The following FOSB variants were observed in gnomAD, a reference collection of about 807,000 sequenced individuals.
FOSB encodes protein FosB.
A neutral mutation model predicts 31.1 loss-of-function variants in FOSB; 8 were observed. The ratio of observed to expected loss-of-function variants is 0.26; its 90% CI spans 0.15 to 0.46. The LOEUF is 0.46. FOSB is among the 20% of genes least tolerant of loss of function. The probability of loss-of-function intolerance (pLI) is 0.99; values close to 1 mark genes in which losing one functional copy is unlikely to be tolerated. For missense variants in FOSB, 376 were observed against 460.6 expected (o/e 0.82, Z 1.68); for synonymous variants, 214 against 206.1 (o/e 1.04, Z -0.33).
Position 45,468,486 on chromosome 19 carries a change from C to T in FOSB, c.-101C>T. On this transcript the variant is annotated 5_prime_UTR_variant, in exon 1 of 4. It adds an upstream start codon to the 5' untranslated region. Coordinates refer to ENST00000353609, the MANE Select transcript of FOSB (RefSeq NM_006732.3). This position sits in a 1 kb window ranked among gnomAD's most constrained non-coding sequence, Gnocchi z 4.8. ...TCGCTCAGCTCACCGGGGACTCCCA[C>T]GGCTCACCCCGGACTTGCACCTTAC... 1.5e-6 allele frequency: 2 copies of T among 1,331,652 alleles called. No homozygotes were observed. Among genetic ancestry groups the T allele is most frequent in the Non-Finnish European group, 2.1e-6 (2 of 972,450 alleles). 82.5% of individuals were successfully genotyped at this position (1,331,652 alleles called of 1,614,324 possible).
At chr19:45,471,000 C>T (rs1307564834) in intron 2 of FOSB, 51 bp downstream of exon 2, 2 of 1,572,874 alleles carry the variant, frequency 1.3e-6, no homozygotes, top group Non-Finnish European at 8.7e-7. Context: ...GCAAGAGAGG[C>T]AGGAAGTTTC....
At position 45,472,960 on chromosome 19, in the gene FOSB, GCAGTGAC is replaced by G. The variant is rs1392910544; in HGVS notation, c.969_975del (p.Asp324LeufsTer5). 1 of 1,612,988 alleles carries G rather than the reference GCAGTGAC, an allele frequency of 6.2e-7. No homozygotes were observed. On this transcript the variant is annotated frameshift_variant, in exon 4 of 4. Transcript: ENST00000353609. LOFTEE classifies it high-confidence loss of function. The surrounding 1 kb of genome is among the most constrained non-coding windows in gnomAD (Gnocchi z 5.4). ...TTCGCCGGCGCCCAACGCACCAGCG[GCAGTGAC>G]CAGCCTTCCGATCCCCTGAACTCGC...
rs1967740548 is a variant in FOSB at position 45,473,113 on chromosome 19, G to A, written c.*101G>A. ...GAGAGAGAGGGGAAGAGACAAAGTG[G>A]GTGTGTGGCCTCCCTGGCTCCTCCG... On this transcript the variant is annotated 3_prime_UTR_variant, in exon 4 of 4. Transcript: ENST00000353609. 1 of 1,127,204 alleles carries A rather than the reference G, an allele frequency of 8.9e-7. No individual in the cohort carries two copies. The highest frequency in any genetic ancestry group is 1.3e-6 in the Non-Finnish European group (1 of 780,310). The allele number at this position is 1,127,204 out of a possible 1,614,324, so 69.8% of individuals were successfully genotyped here. A position where few individuals can be genotyped will look rare whatever the true frequency, so the allele number is the denominator to read the frequency against.
In FOSB at chr19:45,468,772, AAAG is replaced by A; in HGVS notation, c.126+63_126+65del. On this transcript the variant is annotated intron_variant, in intron 1 of 3. Transcript: ENST00000353609. This position sits in a 1 kb window ranked among gnomAD's most constrained non-coding sequence, Gnocchi z 4.8. ...GTTTTATTTTTTAAGTCAAGGGTGA[AAAG>A]AATAAACCCCAACCCCCACAAAAAG... The A allele has an allele frequency of 3.9e-6, 6 of 1,522,336 alleles. No individual in the cohort carries two copies. The highest frequency in any genetic ancestry group is 5.3e-6 in the Non-Finnish European group (6 of 1,136,194). The allele number at this position is 1,522,336 out of a possible 1,614,324, so 94.3% of individuals were successfully genotyped here.
Position 45,468,780 on chromosome 19 carries a change from A to C in FOSB, c.126+68A>C. The C allele has an allele frequency of 1.4e-6, 2 of 1,471,734 alleles. No homozygotes were observed. Among genetic ancestry groups the C allele is most frequent in the East Asian group, 2.4e-5 (1 of 41,024 alleles). 91.2% of individuals were successfully genotyped at this position (1,471,734 alleles called of 1,614,324 possible). On this transcript the variant is annotated intron_variant, in intron 1 of 3. Transcript: ENST00000353609. The surrounding 1 kb of genome is among the most constrained non-coding windows in gnomAD (Gnocchi z 4.8). The stretch of plus-strand genomic sequence containing the variant: ...TTTTAAGTCAAGGGTGAAAAGAATA[A>C]ACCCCAACCCCCACAAAAAGGCGCA...
In FOSB at chr19:45,472,780, C is replaced by T. The variant is rs770893486; in HGVS notation, c.785C>T (p.Pro262Leu). 8.1e-6 allele frequency: 13 copies of T among 1,614,092 alleles called. No homozygotes were observed. The highest frequency in any genetic ancestry group is 2.2e-5 in the East Asian group (1 of 44,882). Residue 262 changes from proline to leucine, a missense_variant, in exon 4 of 4, where the codon CCG becomes CTG. Pro to Leu is a moderately conservative substitution (Grantham distance 98). Coordinates refer to ENST00000353609, the MANE Select transcript of FOSB (RefSeq NM_006732.3). This position sits in a 1 kb window ranked among gnomAD's most constrained non-coding sequence, Gnocchi z 5.4. ...FSWLLPPPPP[P>L]PLPFQTSQDA... ...TGGCTGCTGCCGCCCCCGCCACCAC[C>T]GCCCCTGCCCTTCCAGACCAGCCAA...
chr19:45,473,005 C>T lies in FOSB; in HGVS notation c.1010C>T (p.Ala337Val). ...CCCCTGAACTCGCCCTCCCTCCTCG[C>T]TCTGTGAACTCTTTAGACACACAAA... ...SDPLNSPSLL[A>V]L is the part of the protein sequence containing the mutation. Residue 337 changes from alanine (A) to valine (V), a missense_variant, in exon 4 of 4, where the codon GCT (alanine) becomes GTT (valine). Physicochemically the swap from Ala to Val is moderately conservative, Grantham distance 64 (BLOSUM62 0). Transcript: ENST00000353609. 2 of 1,607,126 alleles carry T rather than the reference C, an allele frequency of 1.2e-6. No individual in the cohort carries two copies. Among genetic ancestry groups the T allele is most frequent in the Non-Finnish European group, 1.7e-6 (2 of 1,179,360 alleles).
rs1254715910 is a variant in FOSB, at chr19:45,468,325, G to A, written c.-262G>A. On this transcript the variant is annotated 5_prime_UTR_variant, in exon 1 of 4. Transcript: ENST00000353609. The surrounding 1 kb of genome is among the most constrained non-coding windows in gnomAD (Gnocchi z 4.8). ...CTCCCTCGCCCCTGGGTCCTACGGA[G>A]CCTGCACTTTCAAGAGGTACAGCGG... is the stretch of plus-strand genomic sequence containing the variant. 2.5e-6 allele frequency: 1 copy of A among 392,858 alleles called. No homozygotes were observed. Among genetic ancestry groups the A allele is most frequent in the African/African-American group, 2.1e-5 (1 of 47,952 alleles). The allele number at this position is 392,858 out of a possible 1,614,324, so 24.3% of individuals were successfully genotyped here. A position where few individuals can be genotyped will look rare whatever the true frequency, so the allele number is the denominator to read the frequency against.
rs2122134950 is a variant in FOSB at position 45,468,770 on chromosome 19, G to A, written c.126+58G>A. ...AGGTTTTATTTTTTAAGTCAAGGGT[G>A]AAAAGAATAAACCCCAACCCCCACA... On this transcript the variant is annotated intron_variant, in intron 1 of 3. Transcript: ENST00000353609. The surrounding 1 kb of genome is among the most constrained non-coding windows in gnomAD (Gnocchi z 4.8). 1.3e-6 allele frequency: 2 copies of A among 1,525,884 alleles called. No homozygotes were observed. The highest frequency in any genetic ancestry group is 1.4e-5 in the African/African-American group (1 of 71,386). 94.5% of individuals were successfully genotyped at this position (1,525,884 alleles called of 1,614,324 possible).
chr19:45,471,434 T>A, intron 3 of FOSB, 133 bp downstream of exon 3: 1 of 662,938 alleles, frequency 1.5e-6, no homozygotes. Context: ...GGTACTGCTG[T>A]GGCCAGACTG....
At position 45,471,337 on chromosome 19, in the gene FOSB, G is replaced by C. The variant is rs776993243; in HGVS notation, c.555+36G>C. On this transcript the variant is annotated intron_variant, in intron 3 of 3. Transcript: ENST00000353609. Reference sequence around the variant, plus strand: ...GCCCTGGGGTGGGAGAGGGGATGTTGAGGGGAGCTCTCTCCCCATTCTCTG... The same window carrying C: ...GCCCTGGGGTGGGAGAGGGGATGTTCAGGGGAGCTCTCTCCCCATTCTCTG... 122 of 1,405,588 alleles carry C rather than the reference G, an allele frequency of 8.7e-5. No individual in the cohort carries two copies. The Middle Eastern group carries it at 9.0e-4, about 10-fold the overall frequency. The allele number at this position is 1,405,588 out of a possible 1,614,324, so 87.1% of individuals were successfully genotyped here. A position where few individuals can be genotyped will look rare whatever the true frequency, so the allele number is the denominator to read the frequency against.
Position 45,473,641 on chromosome 19 carries a change from C to G in FOSB, c.*629C>G, listed in dbSNP as rs80242739. 1,002 of 137,410 alleles carry G rather than the reference C, an allele frequency of 7.3e-3. 5 individuals are homozygous for G. The highest frequency in any genetic ancestry group is 0.016 in the Admixed American group (208 of 13,028). The allele number at this position is 137,410 out of a possible 1,614,324, so 8.5% of individuals were successfully genotyped here. A position where few individuals can be genotyped will look rare whatever the true frequency, so the allele number is the denominator to read the frequency against. ...CCCCTAGAATAATCTCATCCCCCCA[C>G]CCGACTTCTTTTGAAATGTGAACGT... On this transcript the variant is annotated 3_prime_UTR_variant, in exon 4 of 4. Transcript: ENST00000353609.
At chr19:45,471,496 T>TCCCCCCCCCCCCCCCTCCCCC (rs3831491) in intron 3 of FOSB, 195 bp downstream of exon 3, 1 of 362,734 alleles carries the variant, frequency 2.8e-6, no homozygotes, top group South Asian at 4.3e-5. Flanking sequence ...CAACTCCTGG[T>TCCCCCCCCCCCCCCCTCCCCC]CCCCCCCCCA....
rs1046054231 is a variant in FOSB at position 45,474,354 on chromosome 19, C to T, written c.*1342C>T. 10 of 152,454 alleles carry T rather than the reference C, an allele frequency of 6.6e-5. No homozygotes were observed. Among genetic ancestry groups the T allele is most frequent in the Admixed American group, 6.6e-4 (10 of 15,250 alleles). 9.4% of individuals were successfully genotyped at this position (152,454 alleles called of 1,614,324 possible). On this transcript the variant is annotated 3_prime_UTR_variant, in exon 4 of 4. Coordinates refer to ENST00000353609, the MANE Select transcript of FOSB (RefSeq NM_006732.3). Reference sequence around the variant, plus strand: ...ATGCCCGAGTCCGCCCATCCCTGACCATGGTTTTGGCTCTCCCACCCCGCC... The same window carrying T: ...ATGCCCGAGTCCGCCCATCCCTGACTATGGTTTTGGCTCTCCCACCCCGCC...
rs1967706297 is a variant in FOSB, at chr19:45,472,279, C to T, written c.556-272C>T. ...ACATAACGATTGTTCATTCATTCAA[C>T]AAACCTCCTGCACACCAGAAACTTC... On this transcript the variant is annotated intron_variant, in intron 3 of 3. Transcript: ENST00000353609. This position sits in a 1 kb window ranked among gnomAD's most constrained non-coding sequence, Gnocchi z 5.4. Among the ~76,000 whole-genome samples, 1 of 152,178 alleles carries T rather than the reference C, an allele frequency of 6.6e-6. No individual in the cohort carries two copies.
In FOSB at chr19:45,470,938, C is replaced by T; in HGVS notation, c.436C>T (p.Arg146Ter). Residue 146 changes from arginine (R) to a stop codon, truncating the protein, a stop_gained, in exon 2 of 4, where the codon CGA (arginine) becomes TGA (stop). Transcript: ENST00000353609. LOFTEE classifies it high-confidence loss of function. Reference protein sequence around the residue: ...RPARARPRRPREETLTPEEEE... With the variant: ...RPARARPRRP ...AGCCCGAGCCCGGCCTAGGAGACCC[C>T]GAGAGGAGACGGTGAGTAAGGGACA... 2 of 1,611,366 alleles carry T rather than the reference C, an allele frequency of 1.2e-6. No individual in the cohort carries two copies. Among genetic ancestry groups the T allele is most frequent in the East Asian group, 2.2e-5 (1 of 44,880 alleles).
chr19:45,474,097 C>A lies in FOSB; in HGVS notation c.*1085C>A, dbSNP rs1967775414. The A allele has an allele frequency of 6.6e-6, 1 of 152,534 alleles. No individual in the cohort carries two copies. Among genetic ancestry groups the A allele is most frequent in the African/African-American group, 2.4e-5 (1 of 41,386 alleles). 9.4% of individuals were successfully genotyped at this position (152,534 alleles called of 1,614,324 possible). A position where few individuals can be genotyped will look rare whatever the true frequency, so the allele number is the denominator to read the frequency against. On this transcript the variant is annotated 3_prime_UTR_variant, in exon 4 of 4. Coordinates refer to ENST00000353609, the MANE Select transcript of FOSB (RefSeq NM_006732.3). ...ACAGTCCTCCATCCACGTGGCCTCT[C>A]TCTCTCTCCTCAGGACCCTCAGCCC...
rs749597105 is a variant in FOSB, at chr19:45,468,692, C to A, written c.106C>A (p.Pro36Thr). 3 of 1,607,164 alleles carry A rather than the reference C, an allele frequency of 1.9e-6. No homozygotes were observed. The highest frequency in any genetic ancestry group is 4.5e-5 in the East Asian group (2 of 44,702). ...TTCGGTGGACTCCTTCGGCAGTCCA[C>A]CCACCGCCGCCGCCTCCCAGGTAAG... is the stretch of plus-strand genomic sequence containing the variant. ...LSSVDSFGSP[P>T]TAAASQECAG... Residue 36 changes from proline to threonine, a missense_variant, in exon 1 of 4, where the codon CCC becomes ACC. Physicochemically the swap from Pro to Thr is conservative, Grantham distance 38. Transcript: ENST00000353609. This position sits in a 1 kb window ranked among gnomAD's most constrained non-coding sequence, Gnocchi z 4.8.
intron 1 of FOSB, among the ~76,000 whole-genome samples, chr19:45,469,294 C>T (rs1967538594): frequency 6.6e-6 from 1 of 152,220 alleles, no homozygotes; most frequent in Non-Finnish European, 1.5e-5. Flanking sequence ...CGGCGCGCGG[C>T]GCCCCCTTCG....
Sources: allele counts gnomAD v4.1 joint callset (sites outside exome capture counted in the v4.1 genomes callset), GRCh38; gene constraint gnomAD v4.1.1; non-coding constraint Gnocchi (gnomAD v3.1); transcripts MANE v1.5; gene names NCBI Gene and HGNC (gene_info 2026-07-23, HGNC 2026-07-21).